ELMO1: variants seen among roughly 807,000 people sequenced by gnomAD.
ELMO1 encodes engulfment and cell motility 1.
A neutral mutation model predicts 98.9 loss-of-function variants in ELMO1; 26 were observed. The observed-to-expected ratio is 0.26, with a 90% CI of 0.19 to 0.36. The LOEUF (loss-of-function observed/expected upper bound fraction) is 0.36. ELMO1 is among the 10% of genes least tolerant of loss of function. The probability of loss-of-function intolerance (pLI) is 1.00; values close to 1 mark genes in which losing one functional copy is unlikely to be tolerated. For missense variants in ELMO1, 627 were observed against 935.2 expected (o/e 0.67, Z 4.30); for synonymous variants, 346 against 346.0 (o/e 1.00, Z 0.00).
chr7:36,959,892 G>C (rs1300002458), intron 16 of ELMO1, among the ~76,000 whole-genome samples: 2 of 152,078 alleles, frequency 1.3e-5, no homozygotes, highest in Non-Finnish European at 2.9e-5. Flanking sequence ...TTTTGGCCAG[G>C]CTGGTCTTGA....
At chr7:37,006,186 G>T (rs1793109735) in intron 16 of ELMO1, among the ~76,000 whole-genome samples, 2 of 152,210 alleles carry the variant, frequency 1.3e-5, no homozygotes, top group South Asian at 4.1e-4. Flanking sequence ...CCCCCATACA[G>T]AGGTATAAAA....
chr7:37,244,233 C>A, intron 7 of ELMO1, 123 bp downstream of exon 7: 1 of 1,031,818 alleles, frequency 9.7e-7, no homozygotes, highest in Non-Finnish European at 1.4e-6. Context: ...ACAAAAATAA[C>A]AAAAAATCAC....
At chr7:36,906,789 A>AG (rs1267764990) in intron 16 of ELMO1, among the ~76,000 whole-genome samples, 4 of 152,116 alleles carry the variant, frequency 2.6e-5, no homozygotes, top group African/African-American at 9.7e-5. Context: ...CAAAAAAAAA[A>AG]GGCGCTTAGA....
chr7:37,246,790 A>AG (rs199889400), intron 6 of ELMO1, among the ~76,000 whole-genome samples: 16 of 151,732 alleles, frequency 1.1e-4, no homozygotes, highest in African/African-American at 3.2e-4. Context: ...ATAGATAGAT[A>AG]AACAGACAGA....
chr7:37,021,266 C>A (rs1794250657), intron 15 of ELMO1, among the ~76,000 whole-genome samples: 1 of 152,156 alleles, frequency 6.6e-6, no homozygotes, highest in African/African-American at 2.4e-5. Flanking sequence ...GACAGGGGAT[C>A]AGAGGCTTTA....
At chr7:37,408,849 C>T (rs1249672923) in intron 1 of ELMO1, among the ~76,000 whole-genome samples, 1 of 152,176 alleles carries the variant, frequency 6.6e-6, no homozygotes, top group African/African-American at 2.4e-5. Flanking sequence ...TAAGAATGTG[C>T]ATATAGTTTA....
At chr7:37,364,200 T>C (rs1273386263) in intron 1 of ELMO1, among the ~76,000 whole-genome samples, 5 of 152,240 alleles carry the variant, frequency 3.3e-5, no homozygotes, top group East Asian at 1.9e-4. Context: ...AATCAGTGTT[T>C]ACCTCAGAAC....
chr7:37,174,116 C>T (rs1240922306), intron 13 of ELMO1, among the ~76,000 whole-genome samples: 1 of 152,168 alleles, frequency 6.6e-6, no homozygotes, highest in African/African-American at 2.4e-5. Flanking sequence ...AATCTTTAGT[C>T]TTCTGCCCTT....
In ELMO1 at chr7:37,244,559, T is replaced by C. The variant is rs552835663; in HGVS notation, c.414-168A>G. Among the ~76,000 whole-genome samples, 5 of 152,296 alleles carry C rather than the reference T, an allele frequency of 3.3e-5. No homozygotes were observed. The South Asian group carries it at 1.0e-3, about 32-fold the overall frequency. ...GACATCATTCAAAGTAATAAACTGG[T>C]GTTCTTTAATGATCAGAAACAAACA... On this transcript the variant is annotated intron_variant, in intron 6 of 21. Transcript: ENST00000310758.
chr7:37,245,541 T>C (rs573015317), intron 6 of ELMO1, among the ~76,000 whole-genome samples: 2 of 152,360 alleles, frequency 1.3e-5, no homozygotes, highest in South Asian at 4.1e-4. Flanking sequence ...ATTCCTCTTC[T>C]GCTCCCCCTC....
intron 14 of ELMO1, among the ~76,000 whole-genome samples, chr7:37,108,272 C>T (rs1030853882): frequency 1.3e-5 from 2 of 152,128 alleles, no homozygotes; most frequent in African/African-American, 2.4e-5. Context: ...GCTCTCCTAC[C>T]AGGCTAGGCC....
At chr7:36,927,696 T>G (rs1785692762) in intron 16 of ELMO1, among the ~76,000 whole-genome samples, 1 of 152,246 alleles carries the variant, frequency 6.6e-6, no homozygotes, top group South Asian at 2.1e-4. Context: ...AGTCCCAGAC[T>G]ATTTTGTTTT....
chr7:37,209,150 T>C (rs963363379), intron 13 of ELMO1, among the ~76,000 whole-genome samples: 2 of 151,950 alleles, frequency 1.3e-5, no homozygotes, highest in African/African-American at 2.4e-5. Context: ...ATTGAGAAAA[T>C]GTACTCTGAT....
intron 15 of ELMO1, among the ~76,000 whole-genome samples, chr7:37,076,828 C>T (rs958685266): frequency 6.6e-6 from 1 of 152,208 alleles, no homozygotes; most frequent in Admixed American, 6.5e-5. Flanking sequence ...CAGCCAGGTT[C>T]CCAATGCTGC....
chr7:37,167,650 A>C (rs1027111369), intron 13 of ELMO1, among the ~76,000 whole-genome samples: 3 of 152,076 alleles, frequency 2.0e-5, no homozygotes, highest in African/African-American at 7.2e-5. Flanking sequence ...TTTCTTTAAG[A>C]ATGTTGAATA....
intron 4 of ELMO1, among the ~76,000 whole-genome samples, chr7:37,292,957 GA>G (rs1461705070): frequency 1.3e-3 from 73 of 56,046 alleles, no homozygotes; most frequent in Admixed American, 1.9e-3. Context: ...CCCCGTCCGG[GA>G]AGTGAGGGGC....
At chr7:37,309,786 G>C (rs1171504145) in intron 4 of ELMO1, among the ~76,000 whole-genome samples, 1 of 152,204 alleles carries the variant, frequency 6.6e-6, no homozygotes, top group Non-Finnish European at 1.5e-5. Context: ...AGAAACCAGA[G>C]CTGGAAAATA....
At chr7:37,304,786 G>A (rs1029588260) in intron 4 of ELMO1, among the ~76,000 whole-genome samples, 9 of 152,118 alleles carry the variant, frequency 5.9e-5, no homozygotes, top group African/African-American at 2.2e-4. Context: ...CAAACTAGAT[G>A]GCATATTTCA....
intron 18 of ELMO1, 50 bp downstream of exon 18, chr7:36,887,510 C>T (rs747970826): frequency 4.8e-5 from 74 of 1,537,752 alleles, no homozygotes; most frequent in Middle Eastern, 3.6e-4. Flanking sequence ...CTCCAGGGAG[C>T]GGGCCACTGT....
Sources: allele counts gnomAD v4.1 joint callset (sites outside exome capture counted in the v4.1 genomes callset), GRCh38; gene constraint gnomAD v4.1.1; transcripts MANE v1.5; gene names NCBI Gene and HGNC (gene_info 2026-07-23, HGNC 2026-07-21).